CDC14A: variants seen among roughly 807,000 people sequenced by gnomAD.
The protein encoded by CDC14A is cell division cycle 14A, also known as dual specificity protein phosphatase CDC14A.
A neutral mutation model predicts 74.4 loss-of-function variants in CDC14A; 53 were observed. The ratio of observed to expected loss-of-function variants is 0.71; its 90% CI spans 0.57 to 0.89. CDC14A has a LOEUF of 0.89. Ranked by LOEUF, CDC14A falls within the 40% of genes least tolerant of loss-of-function variation. The pLI, the probability that CDC14A is intolerant of heterozygous loss-of-function variation, is 0.00. For synonymous variants in CDC14A, 247 were observed against 258.4 expected, an observed-to-expected ratio of 0.96 and a Z score of 0.43; for missense variants, 646 against 713.7, an observed-to-expected ratio of 0.91 and a Z score of 1.08.
Position 100,485,374 on chromosome 1 carries a change from AAAAAG to A in CDC14A, c.1137+933_1137+937del, listed in dbSNP as rs545468942. The A allele has an allele frequency of 9.0e-5, 83 of 923,798 alleles. 1 individual carries two copies. In the African/African-American group the frequency reaches 1.4e-3, roughly 15 times the overall value. The allele number at this position is 923,798 out of a possible 1,614,324, so 57.2% of individuals were successfully genotyped here. A position where few individuals can be genotyped will look rare whatever the true frequency, so the allele number is the denominator to read the frequency against. ...ATACTTTTATATCTCTAAAGGAGAA[AAAAAG>A]AAAAGAAAAAAAGGACCTGTTCAAA... On this transcript the variant is annotated intron_variant, in intron 11 of 15. Coordinates refer to ENST00000336454, the MANE Select transcript of CDC14A (RefSeq NM_003672.4).
chr1:100,351,901 G>T, upstream of CDC14A: 1 of 1,139,810 alleles, frequency 8.8e-7, no homozygotes. Flanking sequence ...GACCCCCTCA[G>T]TGTTGGGCGT....
chr1:100,435,823 T>TA (rs10545372), intron 5 of CDC14A, among the ~76,000 whole-genome samples: 169 of 97,872 alleles, frequency 1.7e-3, no homozygotes, highest in South Asian at 8.9e-3. Flanking sequence ...AGACTTCGTC[T>TA]AAAAAAAAAA....
In CDC14A at chr1:100,412,696, T is replaced by TTATATA. The variant is rs139550432; in HGVS notation, c.310-11504_310-11499dup. Reference sequence around the variant, plus strand: ...AAGGTGGGTGAACTTCCTGTATGTTTTATATATATATATATATATATATAT... The same window carrying TTATATA: ...AAGGTGGGTGAACTTCCTGTATGTTTTATATATATATATATATATATATATATATAT... On this transcript the variant is annotated intron_variant, in intron 4 of 15. Coordinates refer to ENST00000336454, the MANE Select transcript of CDC14A (RefSeq NM_003672.4). Among the ~76,000 whole-genome samples, 702 of 74,086 alleles carry TTATATA rather than the reference T, an allele frequency of 9.5e-3. 84 individuals are homozygous for TTATATA. Among genetic ancestry groups the TTATATA allele is most frequent in the African/African-American group, 0.065 (565 of 8,640 alleles). The allele number at this position is 74,086 out of a possible 152,430, so 48.6% of individuals were successfully genotyped here.
intron 10 of CDC14A, among the ~76,000 whole-genome samples, chr1:100,470,164 A>G (rs1668253102): frequency 6.6e-6 from 1 of 152,192 alleles, no homozygotes; most frequent in African/African-American, 2.4e-5. Flanking sequence ...TAGAAAATCA[A>G]TATAATTCAC....
Position 100,473,925 on chromosome 1 carries a change from C to G in CDC14A, c.977+5831C>G, listed in dbSNP as rs182451397. Among the ~76,000 whole-genome samples the G allele has an allele frequency of 1.3e-3, 193 of 152,190 alleles. 1 individual carries two copies. The highest frequency in any genetic ancestry group is 2.4e-3 in the Non-Finnish European group (163 of 68,018). On this transcript the variant is annotated intron_variant, in intron 10 of 15. Coordinates refer to ENST00000336454, the MANE Select transcript of CDC14A (RefSeq NM_003672.4). ...TAAGAGCAGACATCCTTGTCGTGCT[C>G]CCAGTCTTGGAAGGAAAGCATCCAG...
At chr1:100,364,599 T>C (rs1470334431) in intron 2 of CDC14A, among the ~76,000 whole-genome samples, 2 of 152,202 alleles carry the variant, frequency 1.3e-5, no homozygotes, top group Admixed American at 1.3e-4. Context: ...GCCTTTTATG[T>C]ATGGGGGAAT....
At chr1:100,351,316 C>T (rs921649980), upstream of CDC14A, among the ~76,000 whole-genome samples, 4 of 152,162 alleles carry the variant, frequency 2.6e-5, no homozygotes, top group African/African-American at 9.7e-5. Flanking sequence ...GGTCAACAAG[C>T]GACTGCGAAG....
chr1:100,399,036 G>T (rs1658911580), intron 4 of CDC14A, among the ~76,000 whole-genome samples: 1 of 151,884 alleles, frequency 6.6e-6, no homozygotes, highest in Non-Finnish European at 1.5e-5. Context: ...TTTGAAAAGG[G>T]GATAATCTAA....
intron 10 of CDC14A, among the ~76,000 whole-genome samples, chr1:100,473,354 G>C (rs1281916389): frequency 6.6e-6 from 1 of 151,580 alleles, no homozygotes; most frequent in Non-Finnish European, 1.5e-5. Flanking sequence ...GTTCATTGCT[G>C]GTATGTAGAA....
At chr1:100,416,404 A>AT (rs1234281589) in intron 4 of CDC14A, among the ~76,000 whole-genome samples, 2 of 152,162 alleles carry the variant, frequency 1.3e-5, no homozygotes, top group Non-Finnish European at 2.9e-5. Context: ...ATATTTTGAT[A>AT]ATGGGTTTGG....
At chr1:100,435,056 G>A (rs1268339478) in intron 5 of CDC14A, among the ~76,000 whole-genome samples, 1 of 152,224 alleles carries the variant, frequency 6.6e-6, no homozygotes, top group Non-Finnish European at 1.5e-5. Context: ...GGGCCCAGCA[G>A]CCTGTGTCTG....
At chr1:100,458,129 C>G (rs952134558) in intron 8 of CDC14A, among the ~76,000 whole-genome samples, 3 of 152,112 alleles carry the variant, frequency 2.0e-5, no homozygotes, top group African/African-American at 7.2e-5. Flanking sequence ...TCAGAACAAC[C>G]CTCTGGAGCA....
At chr1:100,466,474 C>T (rs533411649) in intron 9 of CDC14A, among the ~76,000 whole-genome samples, 3 of 152,184 alleles carry the variant, frequency 2.0e-5, no homozygotes, top group South Asian at 2.1e-4. Flanking sequence ...CCTCACTCTT[C>T]GAAAGAACAT....
chr1:100,352,361 G>C (rs1040983567), upstream of CDC14A: 6 of 637,714 alleles, frequency 9.4e-6, no homozygotes, highest in African/African-American at 2.0e-5. Flanking sequence ...AGAAAGGAGC[G>C]GGGCTGTCCC....
chr1:100,392,635 A>T (rs565012167), intron 4 of CDC14A, among the ~76,000 whole-genome samples: 2 of 152,202 alleles, frequency 1.3e-5, no homozygotes, highest in Non-Finnish European at 2.9e-5. Flanking sequence ...TTGGTAATCA[A>T]GAATGTGTTT....
intron 11 of CDC14A, among the ~76,000 whole-genome samples, chr1:100,490,497 T>A (rs968368562): frequency 6.6e-6 from 1 of 152,166 alleles, no homozygotes; most frequent in Non-Finnish European, 1.5e-5. Flanking sequence ...TTTTCAGACC[T>A]ATATTGCCTG....
intron 15 of CDC14A, among the ~76,000 whole-genome samples, chr1:100,505,677 T>C (rs888993242): frequency 1.3e-5 from 2 of 152,242 alleles, no homozygotes; most frequent in African/African-American, 4.8e-5. Context: ...CAACTTGTTG[T>C]CTTTTCCCTC....
At chr1:100,412,751 TA>T (rs1661005491) in intron 4 of CDC14A, among the ~76,000 whole-genome samples, 3 of 113,050 alleles carry the variant, frequency 2.7e-5, no homozygotes, top group Admixed American at 9.0e-5. Context: ...TATATATATA[TA>T]TTTTATATAT....
At chr1:100,394,724 T>C (rs559759742) in intron 4 of CDC14A, among the ~76,000 whole-genome samples, 42 of 152,278 alleles carry the variant, frequency 2.8e-4, no homozygotes, top group African/African-American at 1.0e-3. Context: ...TCCCAATTGA[T>C]TTTTCTAATT....
Sources: gnomAD v4.1 joint callset for allele counts (sites outside exome capture counted in the v4.1 genomes callset) on GRCh38, gnomAD v4.1.1 for gene constraint, MANE v1.5 for transcripts, NCBI Gene and HGNC (gene_info 2026-07-23, HGNC 2026-07-21) for gene names.